The following SGCD variants were observed in gnomAD, a reference collection of about 807,000 sequenced individuals.
The protein encoded by SGCD is delta-sarcoglycan.
Under a neutral mutation model 36.6 loss-of-function variants are expected in SGCD, and 18 were observed. The observed-to-expected ratio is 0.49, with a 90% CI of 0.34 to 0.73. The LOEUF is 0.73. Ranked by LOEUF, SGCD falls within the 30% of genes least tolerant of loss-of-function variation. SGCD has a pLI of 0.01. For missense variants in SGCD, 387 were observed against 346.7 expected (o/e 1.12, Z -0.92); for synonymous variants, 133 against 130.6 (o/e 1.02, Z -0.12).
At chr5:156,285,019 T>C (rs369519828) in intron 3 of SGCD, among the ~76,000 whole-genome samples, 3 of 152,140 alleles carry the variant, frequency 2.0e-5, no homozygotes, top group African/African-American at 7.2e-5. Flanking sequence ...AGCATTCTTA[T>C]ACACCAATAA....
At chr5:156,364,271 G>A (rs1172825357) in intron 3 of SGCD, among the ~76,000 whole-genome samples, 1 of 152,006 alleles carries the variant, frequency 6.6e-6, no homozygotes, top group Non-Finnish European at 1.5e-5. Context: ...GTTCTTCCTT[G>A]CTGTATTCCT....
intron 1 of SGCD, among the ~76,000 whole-genome samples, chr5:155,986,102 C>A (rs1331321068): frequency 6.6e-6 from 1 of 152,148 alleles, no homozygotes; most frequent in Non-Finnish European, 1.5e-5. Flanking sequence ...TTCATTAATG[C>A]ATAATTAATT....
At chr5:156,117,248 A>T (rs1222443550) in intron 1 of SGCD, among the ~76,000 whole-genome samples, 1 of 151,918 alleles carries the variant, frequency 6.6e-6, no homozygotes, top group Admixed American at 6.6e-5. Context: ...CCATATTACT[A>T]TTTTTTTCAT....
At chr5:156,582,269 T>C (rs1760294209) in intron 4 of SGCD, among the ~76,000 whole-genome samples, 1 of 152,156 alleles carries the variant, frequency 6.6e-6, no homozygotes, top group Non-Finnish European at 1.5e-5. Context: ...TTCCAGCCTA[T>C]CTCTGATCTC....
At chr5:156,542,343 C>A (rs193262660) in intron 4 of SGCD, among the ~76,000 whole-genome samples, 1 of 152,116 alleles carries the variant, frequency 6.6e-6, no homozygotes. Context: ...CAACCACTTC[C>A]GCTATTTATG....
At chr5:155,913,900 C>T (rs1369072084) in intron 1 of SGCD, among the ~76,000 whole-genome samples, 5 of 152,290 alleles carry the variant, frequency 3.3e-5, no homozygotes, top group South Asian at 2.1e-4. Flanking sequence ...TGCTACTAAC[C>T]TTTATTAGTC....
At chr5:156,526,516 G>A (rs1404017376) in intron 4 of SGCD, among the ~76,000 whole-genome samples, 2 of 152,132 alleles carry the variant, frequency 1.3e-5, no homozygotes. Context: ...AAGTTAACTG[G>A]ACCATGAAGT....
chr5:155,886,380 C>T (rs1328697278), intron 1 of SGCD, among the ~76,000 whole-genome samples: 4 of 152,146 alleles, frequency 2.6e-5, no homozygotes, highest in Non-Finnish European at 5.9e-5. Flanking sequence ...TTCAAATGTC[C>T]AGATGAGAGA....
At chr5:155,753,780 CTA>C in the SGCD span, among the ~76,000 whole-genome samples, 1 of 151,772 alleles carries the variant, frequency 6.6e-6, no homozygotes, top group Non-Finnish European at 1.5e-5. Flanking sequence ...AGGTGTGCCT[CTA>C]TGTGTAGAGG....
intron 3 of SGCD, among the ~76,000 whole-genome samples, chr5:156,416,996 T>G (rs960238468): frequency 6.6e-6 from 1 of 152,196 alleles, no homozygotes; most frequent in Admixed American, 6.5e-5. Flanking sequence ...CAATTCCATA[T>G]CATATTCTTA....
rs545370492 is a variant in SGCD at position 156,055,133 on chromosome 5, A to C, written c.-281-62745A>C. ...CCAATTCTTTGCCTATAGCAGTGCC[A>C]GCTTCCAGTTTTCTATTTTTTTTTT... On this transcript the variant is annotated intron_variant, in intron 1 of 9. Coordinates refer to the SGCD transcript ENST00000517913. 1.0e-3 allele frequency among the ~76,000 whole-genome samples: 144 copies of C among 137,794 alleles called. 27 individuals are homozygous for C. Among genetic ancestry groups the C allele is most frequent in the Non-Finnish European group, 2.0e-3 (130 of 64,174 alleles). 90.4% of individuals were successfully genotyped at this position (137,794 alleles called of 152,430 possible).
intron 1 of SGCD, among the ~76,000 whole-genome samples, chr5:155,886,603 T>G (rs1390173024): frequency 6.6e-6 from 1 of 152,152 alleles, no homozygotes; most frequent in East Asian, 1.9e-4. Flanking sequence ...ATAATCCAGA[T>G]GATATCCACC....
intron 3 of SGCD, among the ~76,000 whole-genome samples, chr5:156,250,852 T>C (rs1765558687): frequency 6.6e-6 from 1 of 152,218 alleles, no homozygotes; most frequent in Non-Finnish European, 1.5e-5. Flanking sequence ...AAATGCTGTG[T>C]AAGTCTGTAG....
intron 3 of SGCD, among the ~76,000 whole-genome samples, chr5:156,319,534 G>A (rs1047048358): frequency 6.6e-6 from 1 of 152,180 alleles, no homozygotes; most frequent in Admixed American, 6.5e-5. Context: ...AAGAAGTAAG[G>A]AGAGAAGTAG....
intron 1 of SGCD, among the ~76,000 whole-genome samples, chr5:156,092,128 A>G (rs554975171): frequency 5.3e-5 from 8 of 152,342 alleles, no homozygotes; most frequent in Non-Finnish European, 1.2e-4. Context: ...AGTTCTGAGT[A>G]TAGTTCCTGT....
chr5:156,545,565 G>T (rs73812682), intron 4 of SGCD, among the ~76,000 whole-genome samples: 5,885 of 152,076 alleles, frequency 0.039, 371 homozygotes, highest in African/African-American at 0.13. Flanking sequence ...CATAAGGAGC[G>T]CCCGACCTAG....
At chr5:156,159,536 G>C (rs1763041447) in intron 3 of SGCD, among the ~76,000 whole-genome samples, 1 of 151,462 alleles carries the variant, frequency 6.6e-6, no homozygotes, top group South Asian at 2.1e-4. Flanking sequence ...GGCTTCAGAA[G>C]AGGCTGTATT....
intron 1 of SGCD, among the ~76,000 whole-genome samples, chr5:155,893,627 C>A: frequency 6.6e-6 from 1 of 152,172 alleles, no homozygotes; most frequent in Non-Finnish European, 1.5e-5. Context: ...GCTGGACAAA[C>A]AAGGGCACTT....
intron 1 of SGCD, among the ~76,000 whole-genome samples, chr5:156,073,870 C>G (rs988078068): frequency 2.0e-5 from 3 of 152,142 alleles, no homozygotes; most frequent in East Asian, 1.9e-4. Context: ...CTCAAGGGCT[C>G]TATGAAGCAA....
Sources: allele counts gnomAD v4.1 joint callset (sites outside exome capture counted in the v4.1 genomes callset), GRCh38; gene constraint gnomAD v4.1.1; transcripts MANE v1.5; gene names NCBI Gene and HGNC (gene_info 2026-07-23, HGNC 2026-07-21).